MAP3K1: variants seen among roughly 807,000 people sequenced by gnomAD.
MAP3K1 encodes the protein mitogen-activated protein kinase kinase kinase 1.
MAP3K1 carries 36 observed loss-of-function variants against 144.2 expected under a neutral mutation model. The ratio of observed to expected loss-of-function variants is 0.25; its 90% CI spans 0.19 to 0.33. MAP3K1 has a LOEUF of 0.33. Ranked by LOEUF, MAP3K1 falls within the 10% of genes least tolerant of loss-of-function variation. MAP3K1 has a pLI of 1.00. For synonymous variants in MAP3K1, 718 were observed against 688.7 expected (o/e 1.04, Z -0.67); for missense variants, 1,650 against 1,881.9 (o/e 0.88, Z 2.28).
chr5:56,880,871 C>A, intron 12 of MAP3K1, 69 bp downstream of exon 12: 1 of 1,268,506 alleles, frequency 7.9e-7, no homozygotes, highest in Non-Finnish European at 1.1e-6. Context: ...TGTCTAATCT[C>A]ATAATCTCTC....
chr5:56,828,897 T>TA (rs1746398631), intron 1 of MAP3K1, among the ~76,000 whole-genome samples: 2 of 151,918 alleles, frequency 1.3e-5, no homozygotes, highest in African/African-American at 4.8e-5. Context: ...TTTTTTAAGT[T>TA]AAAAATGCAT....
chr5:56,857,538 G>C (rs1006368190), intron 2 of MAP3K1, among the ~76,000 whole-genome samples: 1 of 152,140 alleles, frequency 6.6e-6, no homozygotes, highest in Non-Finnish European at 1.5e-5. Flanking sequence ...GCTTTGACAA[G>C]GGTCTAAATA....
In MAP3K1 at chr5:56,846,947, G is replaced by C. The variant is rs1416520060; in HGVS notation, c.483-9653G>C. 2.0e-5 allele frequency among the ~76,000 whole-genome samples: 3 copies of C among 152,048 alleles called. No homozygotes were observed. In the East Asian group the frequency reaches 5.8e-4, roughly 29 times the overall value. On this transcript the variant is annotated intron_variant, in intron 1 of 19. Transcript: ENST00000399503. ...ATGTGTATTGGATTGATTTATTGTGGTACATTAATAACTTGAATGTGGTAG... is the reference window on the plus strand; with the variant it reads ...ATGTGTATTGGATTGATTTATTGTGCTACATTAATAACTTGAATGTGGTAG...
In MAP3K1 at chr5:56,894,470, A is replaced by G. The variant is rs1301765636; in HGVS notation, c.*790A>G. 8.6e-6 allele frequency: 2 copies of G among 232,520 alleles called. No individual in the cohort carries two copies. Among genetic ancestry groups the G allele is most frequent in the Non-Finnish European group, 1.7e-5 (2 of 117,718 alleles). The allele number at this position is 232,520 out of a possible 1,614,324, so 14.4% of individuals were successfully genotyped here. Reference sequence around the variant, plus strand: ...CTTAATTTTGTTTTTTTAAATTGGAATACAATAAAGTACTACCTACATTTG... The same window carrying G: ...CTTAATTTTGTTTTTTTAAATTGGAGTACAATAAAGTACTACCTACATTTG... On this transcript the variant is annotated 3_prime_UTR_variant, in exon 20 of 20. Coordinates refer to ENST00000399503, the MANE Select transcript of MAP3K1 (RefSeq NM_005921.2).
chr5:56,831,479 A>T (rs1746491505), intron 1 of MAP3K1, among the ~76,000 whole-genome samples: 1 of 152,108 alleles, frequency 6.6e-6, no homozygotes, highest in South Asian at 2.1e-4. Flanking sequence ...TTAACCCATG[A>T]TTTCTAATGT....
At chr5:56,843,760 C>G (rs1232970364) in intron 1 of MAP3K1, among the ~76,000 whole-genome samples, 1 of 152,156 alleles carries the variant, frequency 6.6e-6, no homozygotes, top group Non-Finnish European at 1.5e-5. Context: ...CTTTTCTCCC[C>G]ATATTCATTT....
rs1170818355 is a variant in MAP3K1, at chr5:56,887,454, A to G, written c.4191A>G (p.Ser1397=). 3 of 1,614,198 alleles carry G rather than the reference A, an allele frequency of 1.9e-6. No individual in the cohort carries two copies. The South Asian group carries it at 3.3e-5, about 18-fold the overall frequency. Residue 1397 remains serine (S), a synonymous_variant, in exon 18 of 20, where the codon TCA becomes TCG. Coordinates refer to ENST00000399503, the MANE Select transcript of MAP3K1 (RefSeq NM_005921.2). ...TTGGAGCTGCAGCCAGGTTGGCATC[A>G]AAAGGAACTGGTGCAGGAGAGTTTC... ...ADFGAAARLA[S]KGTGAGEFQG...
At chr5:56,820,660 A>G (rs917724670) in intron 1 of MAP3K1, 1 of 985,266 alleles carries the variant, frequency 1.0e-6, no homozygotes, top group Non-Finnish European at 1.2e-6. Flanking sequence ...TGGTTCATTC[A>G]TGGTAATCAC....
intron 1 of MAP3K1, among the ~76,000 whole-genome samples, chr5:56,839,797 C>T (rs563313830): frequency 3.9e-5 from 6 of 152,294 alleles, no homozygotes; most frequent in South Asian, 4.1e-4. Flanking sequence ...CACCCTGCAA[C>T]GGGATGACAT....
At chr5:56,875,505 A>T (rs1747996855) in intron 10 of MAP3K1, among the ~76,000 whole-genome samples, 195 bp downstream of exon 10, 1 of 152,136 alleles carries the variant, frequency 6.6e-6, no homozygotes, top group Non-Finnish European at 1.5e-5. Flanking sequence ...TATGATGTCC[A>T]AGGTTTCTTA....
At chr5:56,861,894 G>A (rs1307630885) in intron 3 of MAP3K1, among the ~76,000 whole-genome samples, 1 of 151,260 alleles carries the variant, frequency 6.6e-6, no homozygotes, top group East Asian at 1.9e-4. Context: ...AGGAGTTTGG[G>A]TTTTTTTTTA....
intron 1 of MAP3K1, among the ~76,000 whole-genome samples, chr5:56,822,334 A>G (rs1746179185): frequency 1.3e-5 from 2 of 152,186 alleles, no homozygotes; most frequent in Non-Finnish European, 2.9e-5. Flanking sequence ...CCATTGCTTG[A>G]TGTTTAATAG....
chr5:56,825,759 C>T (rs1463818241), intron 1 of MAP3K1, among the ~76,000 whole-genome samples: 1 of 152,172 alleles, frequency 6.6e-6, no homozygotes, highest in African/African-American at 2.4e-5. Flanking sequence ...CAACTTCCTC[C>T]ACTGCCATGA....
At chr5:56,893,433 CAGGATGTAAAT>C (rs1748608060) in intron 19 of MAP3K1, 87 bp from the exon 20 acceptor site, 2 of 1,273,666 alleles carry the variant, frequency 1.6e-6, no homozygotes. Context: ...CCTCTCTGTT[CAGGATGTAAAT>C]GTAAGGGTTA....
chr5:56,844,592 G>A (rs1746933580), intron 1 of MAP3K1, among the ~76,000 whole-genome samples: 1 of 151,948 alleles, frequency 6.6e-6, no homozygotes, highest in Non-Finnish European at 1.5e-5. Flanking sequence ...CTCCTCTGTG[G>A]ATCTTTTCAG....
intron 1 of MAP3K1, among the ~76,000 whole-genome samples, chr5:56,823,891 GTATA>G (rs1049780182): frequency 6.6e-6 from 1 of 152,058 alleles, no homozygotes; most frequent in Non-Finnish European, 1.5e-5. Flanking sequence ...GTGCGTGTGT[GTATA>G]TATATGCATT....
At chr5:56,872,780 T>G (rs746907952) in intron 8 of MAP3K1, 45 bp from the exon 9 acceptor site, 39 of 1,609,294 alleles carry the variant, frequency 2.4e-5, no homozygotes, top group Non-Finnish European at 3.1e-5. Flanking sequence ...TCAGTGTGGT[T>G]TGTCTTAATT....
intron 14 of MAP3K1, 95 bp from the exon 15 acceptor site, chr5:56,883,432 G>A (rs1030699493): frequency 8.1e-7 from 1 of 1,240,092 alleles, no homozygotes; most frequent in African/African-American, 1.5e-5. Context: ...AGGTGGTTTG[G>A]GAAGCCAGAC....
At position 56,859,959 on chromosome 5, in the gene MAP3K1, A is replaced by T. The variant is rs78578521; in HGVS notation, c.834+44A>T. 2.8e-5 allele frequency: 41 copies of T among 1,468,602 alleles called. No individual in the cohort carries two copies. The East Asian group carries it at 8.7e-4, about 31-fold the overall frequency. 91.0% of individuals were successfully genotyped at this position (1,468,602 alleles called of 1,614,324 possible). ...AAATATGTTAGTTTTTATAATTTTTAGCTTCATTTATAACAAAGAAAAGAC... is the reference window on the plus strand; with the variant it reads ...AAATATGTTAGTTTTTATAATTTTTTGCTTCATTTATAACAAAGAAAAGAC... On this transcript the variant is annotated intron_variant, in intron 3 of 19. Transcript: ENST00000399503.
Sources: allele counts gnomAD v4.1 joint callset (sites outside exome capture counted in the v4.1 genomes callset), GRCh38; gene constraint gnomAD v4.1.1; transcripts MANE v1.5; gene names NCBI Gene and HGNC (gene_info 2026-07-23, HGNC 2026-07-21).